DNAJB14: variants seen among roughly 807,000 people sequenced by gnomAD.
The protein encoded by DNAJB14 is dnaJ homolog subfamily B member 14.
DNAJB14 carries 22 observed loss-of-function variants against 48.4 expected under a neutral mutation model. The ratio of observed to expected loss-of-function variants is 0.45; its 90% CI spans 0.32 to 0.65. DNAJB14 has a LOEUF of 0.65. Among genes scored for constraint, DNAJB14 ranks in the 30% least tolerant of loss-of-function variants. DNAJB14 has a pLI of 0.03. For synonymous variants in DNAJB14, 142 were observed against 158.7 expected, an observed-to-expected ratio of 0.89 and a Z score of 0.79; for missense variants, 319 against 458.8, an observed-to-expected ratio of 0.70 and a Z score of 2.78.
chr4:99,901,888 C>T (rs886954789), intron 7 of DNAJB14, among the ~76,000 whole-genome samples: 2 of 152,010 alleles, frequency 1.3e-5, no homozygotes, highest in African/African-American at 4.8e-5. Context: ...CTTTCTGGAA[C>T]ACAATGGCCA....
intron 3 of DNAJB14, 52 bp downstream of exon 3, chr4:99,922,988 A>C: frequency 6.5e-7 from 1 of 1,527,042 alleles, no homozygotes; most frequent in South Asian, 1.3e-5. Flanking sequence ...AAACGCCGTA[A>C]AGTGAATTCT....
At chr4:99,942,167 G>A (rs1726911028) in intron 1 of DNAJB14, 1 of 151,948 alleles carries the variant, frequency 6.6e-6, no homozygotes, top group Non-Finnish European at 1.5e-5. Context: ...TTGCTATTGT[G>A]CAGATAGATG....
Position 99,946,557 on chromosome 4 carries a change from C to T in DNAJB14, c.15G>A (p.Arg5=), listed in dbSNP as rs372615832. 27 of 1,613,668 alleles carry T rather than the reference C, an allele frequency of 1.7e-5. No individual in the cohort carries two copies. Among genetic ancestry groups the T allele is most frequent in the Non-Finnish European group, 2.1e-5 (25 of 1,179,764 alleles). MEGN[R]DEAEKCVEIA... ...TCTCGACACATTTCTCAGCCTCATC[C>T]CTGTTCCCCTCCATAGCTTGCTCCT... is the stretch of plus-strand genomic sequence containing the variant. Residue 5 remains arginine (R), a synonymous_variant, in exon 1 of 8, where the codon AGG becomes AGA. Coordinates refer to ENST00000442697, the MANE Select transcript of DNAJB14 (RefSeq NM_001031723.4).
intron 1 of DNAJB14, among the ~76,000 whole-genome samples, chr4:99,944,213 G>A (rs1223079816): frequency 1.3e-5 from 2 of 152,148 alleles, no homozygotes; most frequent in African/African-American, 4.8e-5. Context: ...CCCACTCAAG[G>A]ATGGGTACTA....
intron 1 of DNAJB14, among the ~76,000 whole-genome samples, chr4:99,933,850 T>G (rs1052565166): frequency 6.6e-6 from 1 of 151,798 alleles, no homozygotes; most frequent in Non-Finnish European, 1.5e-5. Flanking sequence ...GTGTGGGCAG[T>G]GGAGTATAAT....
At chr4:99,901,263 T>A in intron 7 of DNAJB14, 111 bp from the exon 8 acceptor site, 1 of 993,230 alleles carries the variant, frequency 1.0e-6, no homozygotes, top group Non-Finnish European at 1.4e-6. Context: ...ATTAACTGAC[T>A]TAAAAAAAAT....
chr4:99,905,204 G>T lies in DNAJB14; in HGVS notation c.842+393C>A, dbSNP rs183769432. 1.6e-4 allele frequency among the ~76,000 whole-genome samples: 24 copies of T among 151,792 alleles called. 1 individual carries two copies. Among genetic ancestry groups the T allele is most frequent in the Admixed American group, 9.2e-4 (14 of 15,234 alleles). On this transcript the variant is annotated intron_variant, in intron 6 of 7. Transcript: ENST00000442697. ...AAGTAATATTTGCTTTTATTTAATC[G>T]ATATTTTGCAAAATGAAGAGTAAAG...
At chr4:99,928,550 A>C (rs1376752226) in intron 2 of DNAJB14, 1 of 442,078 alleles carries the variant, frequency 2.3e-6, no homozygotes, top group Non-Finnish European at 4.6e-6. Flanking sequence ...ACCAGAACAA[A>C]GAGGCATCAA....
intron 3 of DNAJB14, among the ~76,000 whole-genome samples, chr4:99,912,246 C>G (rs1226000462): frequency 6.6e-6 from 1 of 152,192 alleles, no homozygotes; most frequent in African/African-American, 2.4e-5. Context: ...GTGTATCTCT[C>G]TGCCATTACC....
intron 2 of DNAJB14, chr4:99,924,783 A>T (rs761740930): frequency 6.2e-7 from 1 of 1,607,354 alleles, no homozygotes; most frequent in Admixed American, 1.7e-5. Context: ...CAGGTCCACC[A>T]TCCCATATCA....
At chr4:99,942,796 T>C (rs754550897) in intron 1 of DNAJB14, among the ~76,000 whole-genome samples, 7 of 152,154 alleles carry the variant, frequency 4.6e-5, no homozygotes, top group Non-Finnish European at 1.0e-4. Context: ...TTTAGTCTCA[T>C]GTTTTACCAT....
At chr4:99,917,865 CT>C (rs1273475351) in intron 3 of DNAJB14, among the ~76,000 whole-genome samples, 3 of 152,134 alleles carry the variant, frequency 2.0e-5, no homozygotes, top group African/African-American at 4.8e-5. Context: ...GCTTTTCCCC[CT>C]ATAGGTAAGG....
chr4:99,915,876 C>G (rs1034494446), intron 3 of DNAJB14, among the ~76,000 whole-genome samples: 1 of 151,890 alleles, frequency 6.6e-6, no homozygotes, highest in Non-Finnish European at 1.5e-5. Flanking sequence ...TCCTCCAGTT[C>G]TATTAGTTTT....
At chr4:99,933,908 A>G (rs1726574056) in intron 1 of DNAJB14, among the ~76,000 whole-genome samples, 1 of 152,214 alleles carries the variant, frequency 6.6e-6, no homozygotes, top group Non-Finnish European at 1.5e-5. Context: ...ATTAAAAATA[A>G]AAATAACCAA....
At chr4:99,924,846 T>A in intron 2 of DNAJB14, 1 of 1,481,850 alleles carries the variant, frequency 6.7e-7, no homozygotes, top group Non-Finnish European at 9.4e-7. Flanking sequence ...TATAACTAAT[T>A]TGACTGCATA....
chr4:99,944,702 G>A (rs977620976), intron 1 of DNAJB14, among the ~76,000 whole-genome samples: 1 of 151,586 alleles, frequency 6.6e-6, no homozygotes, highest in Non-Finnish European at 1.5e-5. Flanking sequence ...GCATCCCCTA[G>A]TAGCTGGGAT....
chr4:99,904,047 G>A (rs537382138), intron 6 of DNAJB14, 149 bp from the exon 7 acceptor site: 26 of 842,022 alleles, frequency 3.1e-5, no homozygotes, highest in Admixed American at 1.3e-4. Flanking sequence ...TCTGAAATCC[G>A]AAATGCTCTA....
chr4:99,899,792 A>C lies in DNAJB14; in HGVS notation c.*1236T>G, dbSNP rs1725236422. 6.6e-6 allele frequency: 1 copy of C among 151,914 alleles called. No homozygotes were observed. Among genetic ancestry groups the C allele is most frequent in the Admixed American group, 6.6e-5 (1 of 15,238 alleles). The allele number at this position is 151,914 out of a possible 1,614,324, so 9.4% of individuals were successfully genotyped here. ...CAGTATACAGGCATCAAAAACTTCA[A>C]TTTCCAGCTGTTTTTTTTTTCTAAT... On this transcript the variant is annotated 3_prime_UTR_variant, in exon 8 of 8. Transcript: ENST00000442697.
intron 1 of DNAJB14, chr4:99,942,125 C>CA (rs1726909785): frequency 6.6e-6 from 1 of 151,686 alleles, no homozygotes; most frequent in Non-Finnish European, 1.5e-5. Context: ...AATAATGTAG[C>CA]AAAAAATTAG....
Sources: gnomAD v4.1 joint callset for allele counts (sites outside exome capture counted in the v4.1 genomes callset) on GRCh38, gnomAD v4.1.1 for gene constraint, MANE v1.5 for transcripts, NCBI Gene and HGNC (gene_info 2026-07-23, HGNC 2026-07-21) for gene names.